The following BHMT variants were observed in gnomAD, a reference collection of about 807,000 sequenced individuals.
BHMT encodes the protein betaine--homocysteine S-methyltransferase 1.
In BHMT, 38 loss-of-function variants were observed where a neutral mutation model predicts 49.5. The observed-to-expected ratio is 0.77, with a 90% CI of 0.59 to 1.01. The LOEUF is 1.01. Among genes scored for constraint, BHMT ranks in the 50% least tolerant of loss-of-function variants. The pLI is 0.00. For synonymous variants in BHMT, 166 were observed against 176.3 expected (o/e 0.94, Z 0.46); for missense variants, 426 against 495.7 (o/e 0.86, Z 1.34).
chr5:79,120,166 T>C, intron 3 of BHMT, 184 bp from the exon 4 acceptor site: 2 of 529,538 alleles, frequency 3.8e-6, no homozygotes, highest in Non-Finnish European at 3.2e-6. Context: ...TTACTATCAC[T>C]ATTATTAGTG....
intron 5 of BHMT, among the ~76,000 whole-genome samples, chr5:79,123,535 GGTTGGTTGGTTC>G (rs111536407): frequency 0.61 from 91,516 of 148,922 alleles, 29,583 homozygotes; most frequent in East Asian, 0.79. Context: ...TTGGTTGGTT[GGTTGGTTGGTTC>G]GTTGGTTGGT....
At chr5:79,124,216 G>T (rs529452472) in intron 5 of BHMT, among the ~76,000 whole-genome samples, 1 of 152,064 alleles carries the variant, frequency 6.6e-6, no homozygotes, top group Non-Finnish European at 1.5e-5. Context: ...AGTGATAATG[G>T]TTGCACAACA....
chr5:79,127,718 T>C, intron 6 of BHMT, 37 bp from the exon 7 acceptor site: 1 of 1,585,010 alleles, frequency 6.3e-7, no homozygotes, highest in Non-Finnish European at 8.6e-7. Flanking sequence ...ATGAAAAGAA[T>C]GTATAATGCC....
In BHMT at chr5:79,127,913, C is replaced by T. The variant is rs750906337; in HGVS notation, c.967C>T (p.Pro323Ser). 7 of 1,613,946 alleles carry T rather than the reference C, an allele frequency of 4.3e-6. No homozygotes were observed. The South Asian group carries it at 7.7e-5, about 18-fold the overall frequency. Reference sequence around the variant, plus strand: ...GGCCCCAGAAAGGGGCTTTTTGCCACCAGCTTCAGAAAAACATGGCAGCTG... The same window carrying T: ...GGCCCCAGAAAGGGGCTTTTTGCCATCAGCTTCAGAAAAACATGGCAGCTG... ...ELAPERGFLP[P>S]ASEKHGSWGS... Residue 323 changes from proline (P) to serine (S), a missense_variant, in exon 7 of 8, where the codon CCA (proline) becomes TCA (serine). Pro to Ser is a moderately conservative substitution (Grantham distance 74). Transcript: ENST00000274353.
intron 6 of BHMT, 93 bp from the exon 7 acceptor site, chr5:79,127,658 AATTC>A: frequency 7.0e-7 from 1 of 1,418,536 alleles, no homozygotes; most frequent in South Asian, 1.4e-5. Flanking sequence ...TATTGAAAAC[AATTC>A]ATTTATTGAA....
chr5:79,115,674 C>A, intron 1 of BHMT, 93 bp from the exon 2 acceptor site: 1 of 1,356,246 alleles, frequency 7.4e-7, no homozygotes, highest in Non-Finnish European at 9.8e-7. Context: ...AATAACCACA[C>A]ATCTCCAAGA....
intron 4 of BHMT, among the ~76,000 whole-genome samples, 176 bp from the exon 5 acceptor site, chr5:79,121,042 T>C (rs549571156): frequency 1.3e-5 from 2 of 151,804 alleles, no homozygotes; most frequent in Admixed American, 1.3e-4. Context: ...TCCCAGCTAC[T>C]TGGGAGGCGG....
intron 3 of BHMT, 185 bp from the exon 4 acceptor site, chr5:79,120,165 C>G: frequency 1.9e-6 from 1 of 523,830 alleles, no homozygotes; most frequent in South Asian, 3.5e-5. Flanking sequence ...GTTACTATCA[C>G]TATTATTAGT....
rs146927442 is a variant in BHMT, at chr5:79,127,809, C to T, written c.863C>T (p.Ala288Val). 5 of 1,614,110 alleles carry T rather than the reference C, an allele frequency of 3.1e-6. No homozygotes were observed. Among genetic ancestry groups the T allele is most frequent in the Middle Eastern group, 1.7e-4 (1 of 6,060 alleles). The change falls in exon 7 of 8, where the codon GCC (alanine) becomes GTC (valine). Residue 288 changes from alanine (A) to valine (V), a missense_variant. Physicochemically the swap from Ala to Val is moderately conservative, Grantham distance 64. Transcript: ENST00000274353. ...GATATTCAAAAATACGCCAGAGAGG[C>T]CTACAACCTGGGGGTCAGGTACATT... ...RWDIQKYARE[A>V]YNLGVRYIGG... is the part of the protein sequence containing the mutation.
At chr5:79,128,652 T>C (rs2112733084) in intron 7 of BHMT, among the ~76,000 whole-genome samples, 1 of 152,346 alleles carries the variant, frequency 6.6e-6, no homozygotes, top group Non-Finnish European at 1.5e-5. Context: ...CATTGATTTT[T>C]AAGAGTTAAG....
intron 5 of BHMT, among the ~76,000 whole-genome samples, chr5:79,121,860 A>G (rs970073655): frequency 1.3e-5 from 2 of 151,910 alleles, no homozygotes; most frequent in African/African-American, 4.8e-5. Flanking sequence ...ATAGTTTCCA[A>G]TCATCGAGAA....
Position 79,125,368 on chromosome 5 carries a change from A to C in BHMT, c.626-678A>C, listed in dbSNP as rs1289760502. Among the ~76,000 whole-genome samples the C allele has an allele frequency of 2.0e-5, 3 of 151,172 alleles. No homozygotes were observed. In the Admixed American group the frequency reaches 2.0e-4, roughly 10 times the overall value. ...CTACTCAGGAGGCTGAGGCAGGAGA[A>C]TCACTTGAACCCAGGAAGCAGAGGC... On this transcript the variant is annotated intron_variant, in intron 5 of 7. Coordinates refer to ENST00000274353, the MANE Select transcript of BHMT (RefSeq NM_001713.3).
chr5:79,121,889 G>C (rs1756478954), intron 5 of BHMT, among the ~76,000 whole-genome samples: 1 of 151,780 alleles, frequency 6.6e-6, no homozygotes, highest in African/African-American at 2.4e-5. Context: ...GGGTTCTGTG[G>C]TTAAATACAT....
intron 7 of BHMT, 65 bp from the exon 8 acceptor site, chr5:79,130,868 A>C (rs1452577604): frequency 5.9e-6 from 8 of 1,357,288 alleles, no homozygotes. Flanking sequence ...AAATGGTTCC[A>C]TGATATAAAG....
intron 1 of BHMT, among the ~76,000 whole-genome samples, chr5:79,114,099 A>T (rs1756348649): frequency 6.8e-6 from 1 of 147,394 alleles, no homozygotes; most frequent in Admixed American, 6.8e-5. Flanking sequence ...ATATATATAT[A>T]TATTTATATA....
chr5:79,120,466 A>C lies in BHMT; in HGVS notation c.402A>C (p.Glu134Asp). ...CTTCATACCTTAGCTGCAAGAGTGA[A>C]ACTGAAGTCAAAAAAGTATTTCTGC... ...QTPSYLSCKS[E>D]TEVKKVFLQQ... The change falls in exon 4 of 8, where the codon GAA becomes GAC. Residue 134 changes from glutamate to aspartate, a missense_variant. This residue lies in a region of BHMT where 321 missense variants were observed against 355.9 expected (regional missense o/e 0.90). Coordinates refer to ENST00000274353, the MANE Select transcript of BHMT (RefSeq NM_001713.3). The C allele has an allele frequency of 6.2e-7, 1 of 1,614,172 alleles. No individual in the cohort carries two copies. The highest frequency in any genetic ancestry group is 8.5e-7 in the Non-Finnish European group (1 of 1,180,024).
At chr5:79,129,022 T>C (rs1184066971) in intron 7 of BHMT, among the ~76,000 whole-genome samples, 1 of 152,178 alleles carries the variant, frequency 6.6e-6, no homozygotes, top group African/African-American at 2.4e-5. Flanking sequence ...GTTTTGGGGC[T>C]GGATTTTGAA....
At position 79,120,553 on chromosome 5, in the gene BHMT, T is replaced by C. The variant is rs750556541; in HGVS notation, c.477+12T>C. 5 of 1,601,648 alleles carry C rather than the reference T, an allele frequency of 3.1e-6. No individual in the cohort carries two copies. In the Admixed American group the frequency reaches 8.7e-5, roughly 28 times the overall value. The stretch of plus-strand genomic sequence containing the variant: ...TCTTGATTGCAGAGGTAAAGAAAGA[T>C]GTGGTGAAAGATAAGACAAATACAC... On this transcript the variant is annotated intron_variant, in intron 4 of 7. Transcript: ENST00000274353.
intron 1 of BHMT, 36 bp downstream of exon 1, chr5:79,111,954 C>T (rs992383346): frequency 7.7e-6 from 12 of 1,555,204 alleles, no homozygotes; most frequent in Non-Finnish European, 1.0e-5. Context: ...GCTCTCCTTC[C>T]CCTCCCACCT....
Sources: allele counts gnomAD v4.1 joint callset (sites outside exome capture counted in the v4.1 genomes callset), GRCh38; gene constraint gnomAD v4.1.1; regional missense constraint gnomAD v4.1.1; transcripts MANE v1.5; gene names NCBI Gene and HGNC (gene_info 2026-07-23, HGNC 2026-07-21).